The following NRG3 variants were observed in gnomAD, a reference collection of about 807,000 sequenced individuals.
The protein encoded by NRG3 is neuregulin 3, also known as pro-neuregulin-3, membrane-bound isoform.
Under a neutral mutation model 66.9 loss-of-function variants are expected in NRG3, and 31 were observed. The ratio of observed to expected loss-of-function variants is 0.46; its 90% CI spans 0.35 to 0.63. NRG3 has a LOEUF of 0.63. Among genes scored for constraint, NRG3 ranks in the 20% least tolerant of loss-of-function variants. The pLI is 0.00. For synonymous variants in NRG3, 393 were observed against 359.4 expected, an observed-to-expected ratio of 1.09 and a Z score of -1.06; for missense variants, 910 against 878.9, an observed-to-expected ratio of 1.04 and a Z score of -0.45.
intron 2 of NRG3, among the ~76,000 whole-genome samples, chr10:82,449,976 A>T (rs183591533): frequency 6.6e-5 from 10 of 152,316 alleles, no homozygotes; most frequent in Non-Finnish European, 1.5e-4. Flanking sequence ...GAAGCTCTAT[A>T]AAAGTGGTTT....
At chr10:82,279,346 G>A (rs1360857215) in intron 1 of NRG3, among the ~76,000 whole-genome samples, 1 of 152,094 alleles carries the variant, frequency 6.6e-6, no homozygotes, top group African/African-American at 2.4e-5. Flanking sequence ...TGGCACTACT[G>A]CTGACTTGTT....
chr10:82,929,898 G>GA (rs910990550), intron 4 of NRG3, among the ~76,000 whole-genome samples: 196 of 148,478 alleles, frequency 1.3e-3, no homozygotes, highest in African/African-American at 4.5e-3. Flanking sequence ...AAAGGAAAAA[G>GA]AAAAAAAATG....
At chr10:82,137,773 C>T (rs2069477396) in intron 1 of NRG3, among the ~76,000 whole-genome samples, 1 of 152,164 alleles carries the variant, frequency 6.6e-6, no homozygotes, top group South Asian at 2.1e-4. Context: ...CTGCTGAGCA[C>T]TGTAGACACA....
intron 1 of NRG3, among the ~76,000 whole-genome samples, chr10:82,055,332 C>T (rs1340870055): frequency 6.6e-6 from 1 of 151,640 alleles, no homozygotes; most frequent in Admixed American, 6.6e-5. Context: ...AAAAAAATAG[C>T]CAGGCATGGT....
chr10:82,169,672 T>C (rs1452263183), intron 1 of NRG3, among the ~76,000 whole-genome samples: 1 of 151,866 alleles, frequency 6.6e-6, no homozygotes, highest in Non-Finnish European at 1.5e-5. Context: ...ATAATTTCAC[T>C]CATTTTGTTT....
rs142571693 is a variant in NRG3 at position 81,880,143 on chromosome 10, C to G, written c.823+3980C>G. Among the ~76,000 whole-genome samples, 940 of 152,178 alleles carry G rather than the reference C, an allele frequency of 6.2e-3. 5 individuals carry two copies. Among genetic ancestry groups the G allele is most frequent in the Middle Eastern group, 0.02 (6 of 294 alleles). On this transcript the variant is annotated intron_variant, in intron 1 of 8. Transcript: ENST00000372141. ...TATGCTGTACAATTTTACTGTTACA[C>G]ACTTATGTTGCACTTCATGGTCCTA...
chr10:82,851,825 A>G (rs573913183), intron 3 of NRG3, among the ~76,000 whole-genome samples: 1 of 152,316 alleles, frequency 6.6e-6, no homozygotes, highest in African/African-American at 2.4e-5. Context: ...TAAGCAAATC[A>G]TTTAATTAAA....
chr10:82,567,989 T>C (rs2045515927), intron 2 of NRG3, among the ~76,000 whole-genome samples: 1 of 151,882 alleles, frequency 6.6e-6, no homozygotes, highest in South Asian at 2.1e-4. Context: ...CCCTGTAACC[T>C]TGGACTTTTC....
intron 2 of NRG3, among the ~76,000 whole-genome samples, chr10:82,381,664 CAT>C (rs762379285): frequency 1.6e-4 from 25 of 152,244 alleles, no homozygotes; most frequent in African/African-American, 5.8e-4. Flanking sequence ...AAACTTTTCT[CAT>C]ATTTTATTTT....
At chr10:82,938,995 C>T (rs770437284) in intron 4 of NRG3, among the ~76,000 whole-genome samples, 10 of 152,290 alleles carry the variant, frequency 6.6e-5, no homozygotes, top group Non-Finnish European at 1.3e-4. Flanking sequence ...CTGGGATTAT[C>T]TTAGCATTGA....
intron 2 of NRG3, among the ~76,000 whole-genome samples, chr10:82,421,161 T>C (rs1428324748): frequency 6.6e-6 from 1 of 152,144 alleles, no homozygotes; most frequent in Non-Finnish European, 1.5e-5. Context: ...GAGTGAACCT[T>C]CACTAGGCAA....
chr10:81,891,887 A>G (rs1843040927), intron 1 of NRG3, among the ~76,000 whole-genome samples: 1 of 152,042 alleles, frequency 6.6e-6, no homozygotes, highest in Non-Finnish European at 1.5e-5. Flanking sequence ...TGAGATTAGA[A>G]TCTTAGTGGA....
At chr10:82,740,385 TACC>T (rs1331093938) in intron 3 of NRG3, among the ~76,000 whole-genome samples, 2 of 152,268 alleles carry the variant, frequency 1.3e-5, no homozygotes, top group Non-Finnish European at 2.9e-5. Context: ...AATCAAATGT[TACC>T]AGCCATTTAG....
chr10:82,332,660 G>A (rs2135288848), intron 1 of NRG3, among the ~76,000 whole-genome samples: 1 of 152,198 alleles, frequency 6.6e-6, no homozygotes, highest in Admixed American at 6.5e-5. Flanking sequence ...TCAAAAAGAA[G>A]GCAAATTCCA....
chr10:82,619,058 A>G (rs1340770127), intron 2 of NRG3, among the ~76,000 whole-genome samples: 2 of 152,106 alleles, frequency 1.3e-5, no homozygotes, highest in Non-Finnish European at 2.9e-5. Flanking sequence ...TGGCATTACC[A>G]TTAGAGATTT....
At chr10:82,233,950 C>T (rs1274681862) in intron 1 of NRG3, among the ~76,000 whole-genome samples, 2 of 152,108 alleles carry the variant, frequency 1.3e-5, no homozygotes, top group Non-Finnish European at 2.9e-5. Flanking sequence ...AAGCAAGCCG[C>T]TTTCATCTTA....
chr10:82,385,448 A>G (rs1483170480), intron 2 of NRG3, among the ~76,000 whole-genome samples: 1 of 152,214 alleles, frequency 6.6e-6, no homozygotes, highest in East Asian at 1.9e-4. Context: ...TTGAGCAAAT[A>G]TTGTGCCATT....
intron 4 of NRG3, among the ~76,000 whole-genome samples, chr10:82,944,878 T>C (rs1275471566): frequency 4.6e-5 from 7 of 151,964 alleles, no homozygotes; most frequent in Non-Finnish European, 5.9e-5. Context: ...TCTCAGAAAA[T>C]AGAAGAAATA....
At chr10:82,978,379 A>C (rs2132639780) in intron 7 of NRG3, among the ~76,000 whole-genome samples, 1 of 152,310 alleles carries the variant, frequency 6.6e-6, no homozygotes, top group Admixed American at 6.5e-5. Flanking sequence ...TTAAAAGCAA[A>C]CTCAGAAGAA....
Sources: gnomAD v4.1 joint callset for allele counts (sites outside exome capture counted in the v4.1 genomes callset) on GRCh38, gnomAD v4.1.1 for gene constraint, MANE v1.5 for transcripts, NCBI Gene and HGNC (gene_info 2026-07-23, HGNC 2026-07-21) for gene names.